The following POU6F2 variants were observed in gnomAD, a reference collection of about 807,000 sequenced individuals.
POU6F2 encodes POU domain, class 6, transcription factor 2.
Under a neutral mutation model 71.3 loss-of-function variants are expected in POU6F2, and 31 were observed. The observed-to-expected ratio is 0.43, with a 90% CI of 0.33 to 0.59. The LOEUF (loss-of-function observed/expected upper bound fraction) is 0.59, where lower values mean the gene tolerates loss of function less well. POU6F2 is among the 20% of genes least tolerant of loss of function. The pLI is 0.04. For synonymous variants in POU6F2, 347 were observed against 355.7 expected (o/e 0.98, Z 0.27); for missense variants, 783 against 856.8 (o/e 0.91, Z 1.07).
chr7:38,983,179 G>T (rs750510131), intron 1 of POU6F2, among the ~76,000 whole-genome samples: 3 of 152,062 alleles, frequency 2.0e-5, no homozygotes, highest in Non-Finnish European at 2.9e-5. Context: ...AAGAAACAAT[G>T]TGCAAAAAGA....
At chr7:39,119,431 A>G (rs1791998171) in intron 2 of POU6F2, among the ~76,000 whole-genome samples, 1 of 152,190 alleles carries the variant, frequency 6.6e-6, no homozygotes, top group South Asian at 2.1e-4. Flanking sequence ...AAACATCACA[A>G]ATTGATTTAT....
At chr7:39,253,492 A>G (rs1349360872) in intron 4 of POU6F2, among the ~76,000 whole-genome samples, 3 of 152,370 alleles carry the variant, frequency 2.0e-5, no homozygotes, top group Admixed American at 6.5e-5. Flanking sequence ...TTTTTTGTAC[A>G]TTGCCTTTGG....
chr7:39,026,680 G>A (rs956077732), intron 1 of POU6F2, among the ~76,000 whole-genome samples: 1 of 151,986 alleles, frequency 6.6e-6, no homozygotes, highest in Non-Finnish European at 1.5e-5. Flanking sequence ...CAGCACACCA[G>A]CATGGCACAT....
intron 4 of POU6F2, among the ~76,000 whole-genome samples, chr7:39,219,162 G>C (rs933485082): frequency 6.6e-6 from 1 of 152,060 alleles, no homozygotes; most frequent in Non-Finnish European, 1.5e-5. Flanking sequence ...GGGTCTTTTT[G>C]ATTGTTGCTT....
At chr7:39,163,000 A>G (rs544519820) in intron 2 of POU6F2, among the ~76,000 whole-genome samples, 3 of 152,288 alleles carry the variant, frequency 2.0e-5, no homozygotes, top group East Asian at 1.9e-4. Flanking sequence ...GAGAATCTCT[A>G]TCATTCATAG....
At chr7:39,148,502 G>A (rs1792667819) in intron 2 of POU6F2, among the ~76,000 whole-genome samples, 1 of 152,112 alleles carries the variant, frequency 6.6e-6, no homozygotes, top group South Asian at 2.1e-4. Flanking sequence ...GAGGAATAGT[G>A]TTAACTATGA....
chr7:39,197,215 C>T (rs1193082069), intron 2 of POU6F2, among the ~76,000 whole-genome samples: 1 of 152,224 alleles, frequency 6.6e-6, no homozygotes, highest in Admixed American at 6.5e-5. Context: ...ACATGCTCCA[C>T]TCTGCCCTTC....
intron 5 of POU6F2, among the ~76,000 whole-genome samples, chr7:39,371,055 A>C (rs1255760834): frequency 6.6e-6 from 1 of 152,236 alleles, no homozygotes; most frequent in Non-Finnish European, 1.5e-5. Flanking sequence ...AGATGAAAGG[A>C]ATACAGTTCT....
chr7:39,299,994 A>C lies in POU6F2; in HGVS notation c.599-39648A>C, dbSNP rs145920987. ...CCAGCCCACTGTTTTTGTTTCCAGC[A>C]GTCCCAGTTAGGCCGCCTTACTTCC... On this transcript the variant is annotated intron_variant, in intron 4 of 9. Transcript: ENST00000518318. Among the ~76,000 whole-genome samples, 170 of 152,288 alleles carry C rather than the reference A, an allele frequency of 1.1e-3. 1 individual carries two copies. Among genetic ancestry groups the C allele is most frequent in the African/African-American group, 3.9e-3 (161 of 41,572 alleles).
chr7:39,136,360 T>G (rs892274353), intron 2 of POU6F2, among the ~76,000 whole-genome samples: 3 of 152,220 alleles, frequency 2.0e-5, no homozygotes, highest in African/African-American at 7.2e-5. Flanking sequence ...ACACTGGAAC[T>G]GCAAGGTACC....
chr7:39,294,665 C>T (rs1405861606), intron 4 of POU6F2, among the ~76,000 whole-genome samples: 1 of 152,074 alleles, frequency 6.6e-6, no homozygotes, highest in Admixed American at 6.5e-5. Flanking sequence ...CAAATGCACC[C>T]TGATTCATTC....
At chr7:39,226,534 C>T (rs933481762) in intron 4 of POU6F2, among the ~76,000 whole-genome samples, 4 of 152,144 alleles carry the variant, frequency 2.6e-5, no homozygotes, top group Middle Eastern at 3.2e-3. Flanking sequence ...TAGGTAATGT[C>T]TAAGAAAGAC....
intron 6 of POU6F2, among the ~76,000 whole-genome samples, chr7:39,425,502 T>C (rs1224768479): frequency 2.6e-5 from 4 of 152,234 alleles, no homozygotes; most frequent in African/African-American, 7.2e-5. Flanking sequence ...GTTCCTGTTA[T>C]TAAGTTTAAG....
At chr7:39,161,551 G>A (rs1006796143) in intron 2 of POU6F2, among the ~76,000 whole-genome samples, 4 of 152,150 alleles carry the variant, frequency 2.6e-5, no homozygotes, top group Admixed American at 2.0e-4. Flanking sequence ...GAAAATAGGA[G>A]CCCAGAGAGG....
intron 1 of POU6F2, among the ~76,000 whole-genome samples, chr7:38,987,780 A>G (rs1400292155): frequency 6.6e-6 from 1 of 152,128 alleles, no homozygotes; most frequent in Non-Finnish European, 1.5e-5. Flanking sequence ...CCTCACATAT[A>G]CTAAGAAGAC....
At chr7:39,028,761 A>G (rs940236728) in intron 1 of POU6F2, among the ~76,000 whole-genome samples, 1 of 152,090 alleles carries the variant, frequency 6.6e-6, no homozygotes, top group African/African-American at 2.4e-5. Flanking sequence ...TTCTCTTTGT[A>G]CAGATATTTT....
At chr7:39,024,462 T>C (rs542561851) in intron 1 of POU6F2, among the ~76,000 whole-genome samples, 30 of 152,202 alleles carry the variant, frequency 2.0e-4, no homozygotes, top group Admixed American at 3.9e-4. Flanking sequence ...CAGGGACAAT[T>C]TGACTTCCTC....
Position 39,406,614 on chromosome 7 carries a change from AC to A in POU6F2, c.988del (p.Leu330Ter). ...TCTCTTTGCAGCTGGTTAATAATCC[AC>A]TAGCAAGTCAGGCTGCAGCGGCTGC... ...PNPLQLVNNPLASQAAAAAAA... is the reference protein window; with the variant it reads ...PNPLQLVNNPXASQAAAAAAA... On this transcript the variant is annotated frameshift_variant, in exon 6 of 10. Transcript: ENST00000518318. LOFTEE classifies it high-confidence loss of function. 1 of 1,612,842 alleles carries A rather than the reference AC, an allele frequency of 6.2e-7. No individual in the cohort carries two copies. The highest frequency in any genetic ancestry group is 1.7e-5 in the Admixed American group (1 of 59,966).
chr7:39,253,848 A>T (rs1272557754), intron 4 of POU6F2, among the ~76,000 whole-genome samples: 1 of 152,128 alleles, frequency 6.6e-6, no homozygotes, highest in Non-Finnish European at 1.5e-5. Context: ...CGATAGCCAA[A>T]CCATTATATT....
Sources: allele counts gnomAD v4.1 joint callset (sites outside exome capture counted in the v4.1 genomes callset), GRCh38; gene constraint gnomAD v4.1.1; transcripts MANE v1.5; gene names NCBI Gene and HGNC (gene_info 2026-07-23, HGNC 2026-07-21).